The following RABL3 variants were observed in gnomAD, a reference collection of about 807,000 sequenced individuals.
The protein encoded by RABL3 is RAB, member of RAS oncogene family like 3.
RABL3 carries 31 observed loss-of-function variants against 31.8 expected under a neutral mutation model. The observed-to-expected ratio is 0.97, with a 90% CI of 0.73 to 1.31. RABL3 has a LOEUF of 1.31. Among genes scored for constraint, RABL3 ranks in the 40% most tolerant of loss-of-function variants. The probability of loss-of-function intolerance (pLI) is 0.00; values close to 1 mark genes in which losing one functional copy is unlikely to be tolerated. For missense variants in RABL3, 263 were observed against 279.6 expected, an observed-to-expected ratio of 0.94 and a Z score of 0.42; for synonymous variants, 97 against 99.9, an observed-to-expected ratio of 0.97 and a Z score of 0.18.
intron 2 of RABL3, among the ~76,000 whole-genome samples, chr3:120,718,406 C>T (rs1708695407): frequency 6.6e-6 from 1 of 152,212 alleles, no homozygotes; most frequent in Admixed American, 6.5e-5. Flanking sequence ...CCCCTCCCTC[C>T]TTGTCTTATC....
At position 120,686,238 on chromosome 3, in the gene RABL3, T is replaced by C. The variant is rs964164907; in HGVS notation, c.*3585A>G. On this transcript the variant is annotated 3_prime_UTR_variant, in exon 8 of 8. Coordinates refer to ENST00000273375, the MANE Select transcript of RABL3 (RefSeq NM_173825.5). ...CAGACTCCTCCTTTGAATTTTAACA[T>C]ATATTAAACCAATGCAGACACCCTG... 2.0e-5 allele frequency among the ~76,000 whole-genome samples: 3 copies of C among 152,212 alleles called. No homozygotes were observed. Among genetic ancestry groups the C allele is most frequent in the Non-Finnish European group, 4.4e-5 (3 of 68,034 alleles).
chr3:120,693,857 A>G (rs1480342462), intron 6 of RABL3, among the ~76,000 whole-genome samples: 1 of 152,214 alleles, frequency 6.6e-6, no homozygotes, highest in Non-Finnish European at 1.5e-5. Context: ...AGTGAAAAAA[A>G]GAGCTAGAAA....
chr3:120,737,872 A>T (rs1708990658), intron 1 of RABL3, among the ~76,000 whole-genome samples: 1 of 152,166 alleles, frequency 6.6e-6, no homozygotes. Context: ...CTGCCTGATC[A>T]TTCATTCCTC....
intron 1 of RABL3, among the ~76,000 whole-genome samples, chr3:120,732,316 C>G (rs1314277539): frequency 1.3e-5 from 2 of 152,088 alleles, no homozygotes; most frequent in African/African-American, 2.4e-5. Context: ...TTTTCTGAAC[C>G]CACATAGGGA....
At chr3:120,734,368 G>A (rs995102613) in intron 1 of RABL3, among the ~76,000 whole-genome samples, 3 of 152,188 alleles carry the variant, frequency 2.0e-5, no homozygotes, top group African/African-American at 7.2e-5. Context: ...GTATAAGAAT[G>A]CTTGTGATTT....
intron 4 of RABL3, 21 bp downstream of exon 4, chr3:120,705,974 TCAAAC>T: frequency 7.6e-7 from 1 of 1,323,690 alleles, no homozygotes. Flanking sequence ...CTACAATCTT[TCAAAC>T]CAATTGTGAA....
At chr3:120,722,250 T>C (rs2107589788) in intron 2 of RABL3, 1 of 152,098 alleles carries the variant, frequency 6.6e-6, no homozygotes, top group East Asian at 1.9e-4. Context: ...TCCACTAACT[T>C]AGAGTGGTTA....
At chr3:120,720,267 A>C (rs1362568904) in intron 2 of RABL3, among the ~76,000 whole-genome samples, 2 of 152,242 alleles carry the variant, frequency 1.3e-5, no homozygotes, top group Non-Finnish European at 1.5e-5. Flanking sequence ...AAATTCTGAA[A>C]ATCAGAGTGC....
chr3:120,737,206 T>G (rs137895768), intron 1 of RABL3, among the ~76,000 whole-genome samples: 23 of 152,238 alleles, frequency 1.5e-4, no homozygotes. Flanking sequence ...CCATATTTCT[T>G]GGAGCCTTTG....
At chr3:120,738,740 T>G (rs1709003443) in intron 1 of RABL3, 1 of 152,228 alleles carries the variant, frequency 6.6e-6, no homozygotes, top group African/African-American at 2.4e-5. Flanking sequence ...TTCATAAACA[T>G]TTAAAGTATC....
intron 2 of RABL3, among the ~76,000 whole-genome samples, chr3:120,714,230 CATT>C (rs1244948041): frequency 6.6e-6 from 1 of 152,110 alleles, no homozygotes; most frequent in Non-Finnish European, 1.5e-5. Context: ...CCTGCAGAAT[CATT>C]ATTAAAGAGA....
In RABL3 at chr3:120,689,739, C is replaced by T. The variant is rs1362880141; in HGVS notation, c.*84G>A. The T allele has an allele frequency of 1.1e-6, 1 of 910,816 alleles. No individual in the cohort carries two copies. Among genetic ancestry groups the T allele is most frequent in the Admixed American group, 1.9e-5 (1 of 53,354 alleles). 56.4% of individuals were successfully genotyped at this position (910,816 alleles called of 1,614,324 possible). ...ATTTTAAGATGATTTTGTTAAAAGGCTGTGATGGTAATAATTGAACACAGC... is the reference window on the plus strand; with the variant it reads ...ATTTTAAGATGATTTTGTTAAAAGGTTGTGATGGTAATAATTGAACACAGC... On this transcript the variant is annotated 3_prime_UTR_variant, in exon 8 of 8. Transcript: ENST00000273375.
intron 1 of RABL3, among the ~76,000 whole-genome samples, chr3:120,731,327 C>T (rs1448068841): frequency 6.6e-6 from 1 of 152,140 alleles, no homozygotes; most frequent in Non-Finnish European, 1.5e-5. Context: ...GAGGGATTCA[C>T]CATTTCACAA....
At chr3:120,735,777 C>T (rs1230685298) in intron 1 of RABL3, among the ~76,000 whole-genome samples, 2 of 152,140 alleles carry the variant, frequency 1.3e-5, no homozygotes, top group Admixed American at 6.6e-5. Flanking sequence ...AGAACATCTT[C>T]ATTTCTGCCT....
Position 120,689,680 on chromosome 3 carries a change from A to AT in RABL3, c.*142dup. On this transcript the variant is annotated 3_prime_UTR_variant, in exon 8 of 8. Coordinates refer to ENST00000273375, the MANE Select transcript of RABL3 (RefSeq NM_173825.5). ...ACCTCCCGTATTGTCACTTCCTTTC[A>AT]TTTTTCCATTAAAGGGTAAGGCTGA... 1.6e-6 allele frequency: 1 copy of AT among 624,874 alleles called. No individual in the cohort carries two copies. Among genetic ancestry groups the AT allele is most frequent in the East Asian group, 2.6e-5 (1 of 38,586 alleles). 38.7% of individuals were successfully genotyped at this position (624,874 alleles called of 1,614,324 possible). A position where few individuals can be genotyped will look rare whatever the true frequency, so the allele number is the denominator to read the frequency against.
At chr3:120,724,479 G>T (rs1708791538) in intron 2 of RABL3, among the ~76,000 whole-genome samples, 1 of 152,180 alleles carries the variant, frequency 6.6e-6, no homozygotes, top group African/African-American at 2.4e-5. Flanking sequence ...CCAAAAAAGA[G>T]CCCACATTGC....
chr3:120,697,077 C>T (rs1187680839), intron 5 of RABL3, among the ~76,000 whole-genome samples: 2 of 152,220 alleles, frequency 1.3e-5, no homozygotes, highest in African/African-American at 2.4e-5. Context: ...GAATAAAAAG[C>T]TCCAGCTGTG....
intron 2 of RABL3, among the ~76,000 whole-genome samples, chr3:120,722,983 T>C (rs867954036): frequency 5.9e-5 from 9 of 151,978 alleles, no homozygotes; most frequent in Non-Finnish European, 7.4e-5. Context: ...TACAAAAAAC[T>C]CTTCAAAAAA....
At chr3:120,698,293 T>C in intron 5 of RABL3, 130 bp downstream of exon 5, 5 of 871,148 alleles carry the variant, frequency 5.7e-6, no homozygotes, top group South Asian at 5.0e-5. Flanking sequence ...CTTGACTACG[T>C]TTAGACTAGA....
Sources: allele counts gnomAD v4.1 joint callset (sites outside exome capture counted in the v4.1 genomes callset), GRCh38; gene constraint gnomAD v4.1.1; transcripts MANE v1.5; gene names NCBI Gene and HGNC (gene_info 2026-07-23, HGNC 2026-07-21).